The following MCEE variants were observed in gnomAD, a reference collection of about 807,000 sequenced individuals.
MCEE encodes methylmalonyl-CoA epimerase, mitochondrial.
In MCEE, 6 loss-of-function variants were observed where a neutral mutation model predicts 12.9. The ratio of observed to expected loss-of-function variants is 0.47; its 90% CI spans 0.26 to 0.92. The LOEUF (loss-of-function observed/expected upper bound fraction) is 0.92, where lower values mean the gene tolerates loss of function less well. MCEE is among the 40% of genes least tolerant of loss of function. The probability of loss-of-function intolerance (pLI) is 0.16; values close to 1 mark genes in which losing one functional copy is unlikely to be tolerated. For missense variants in MCEE, 214 were observed against 212.1 expected (o/e 1.01, Z -0.05); for synonymous variants, 78 against 77.9 (o/e 1.00, Z -0.01).
chr2:71,112,467 A>C (rs1468602889), intron 2 of MCEE, among the ~76,000 whole-genome samples: 9 of 99,914 alleles, frequency 9.0e-5, no homozygotes, highest in East Asian at 3.3e-4. Context: ...ACAGAGTCTC[A>C]CTCTGTCACC....
rs765849421 is a variant in MCEE, at chr2:71,124,298, T to C, written c.286A>G (p.Met96Val). Residue 96 changes from methionine to valine, a missense_variant, in exon 2 of 3, where the codon ATG (methionine) becomes GTG (valine). Transcript: ENST00000244217. ...VVFVNLGNTK[M>V]ELLHPLGRDS... ...CGTCCCAATGGATGAAGCAGTTCCA[T>C]CTTGGTATTTCCCAGGTTGACAAAA... 2.5e-6 allele frequency: 4 copies of C among 1,614,204 alleles called. No homozygotes were observed. Among genetic ancestry groups the C allele is most frequent in the East Asian group, 4.5e-5 (2 of 44,882 alleles).
At chr2:71,112,237 A>C (rs1010573401) in intron 2 of MCEE, among the ~76,000 whole-genome samples, 3 of 152,078 alleles carry the variant, frequency 2.0e-5, no homozygotes, top group Non-Finnish European at 1.5e-5. Flanking sequence ...CCAGGGTTCA[A>C]GCAATTCTCC....
intron 1 of MCEE, 138 bp downstream of exon 1, chr2:71,130,042 A>C: frequency 3.6e-6 from 3 of 829,976 alleles, no homozygotes; most frequent in Non-Finnish European, 4.1e-6. Flanking sequence ...CCTAAGTGAC[A>C]GCAGCTGCTG....
rs2103768901 is a variant in MCEE, at chr2:71,109,899, G to C, written c.*71C>G. ...TGATGGAAGCAGTGAAGGACTCAAT[G>C]TCATAGTACATTTTGATAGTATTTG... is the stretch of plus-strand genomic sequence containing the variant. On this transcript the variant is annotated 3_prime_UTR_variant, in exon 3 of 3. Coordinates refer to ENST00000244217, the MANE Select transcript of MCEE (RefSeq NM_032601.4). 1 of 1,492,652 alleles carries C rather than the reference G, an allele frequency of 6.7e-7. No homozygotes were observed. The highest frequency in any genetic ancestry group is 2.3e-5 in the East Asian group (1 of 44,202). The allele number at this position is 1,492,652 out of a possible 1,614,324, so 92.5% of individuals were successfully genotyped here.
In MCEE at chr2:71,124,222, T is replaced by C. The variant is rs1332288749; in HGVS notation, c.362A>G (p.His121Arg). Residue 121 changes from histidine to arginine, a missense_variant, in exon 2 of 3, where the codon CAT becomes CGT. His to Arg is a conservative substitution (Grantham distance 29). Transcript: ENST00000244217. ...FLQKNKAGGMHHICIEVDNIN... is the reference protein window; with the variant it reads ...FLQKNKAGGMRHICIEVDNIN... ...TTAAAATACCTCGATGCAGATGTGA[T>C]GCATTCCTCCAGCCTTGTTTTTCTG... 2 of 1,612,820 alleles carry C rather than the reference T, an allele frequency of 1.2e-6. No homozygotes were observed. Among genetic ancestry groups the C allele is most frequent in the Non-Finnish European group, 1.7e-6 (2 of 1,178,762 alleles).
rs1014538415 is a variant in MCEE, at chr2:71,117,473, CTTGA to C, written c.378+6729_378+6732del. ...TTTAAAAAGGAGAATATTTTCCTTT[CTTGA>C]TTGAAGAACAAACATTACCCAGTAT... On this transcript the variant is annotated intron_variant, in intron 2 of 2. Transcript: ENST00000244217. 3 of 150,364 alleles carry C rather than the reference CTTGA, an allele frequency of 2.0e-5. 1 individual carries two copies. Among genetic ancestry groups the C allele is most frequent in the African/African-American group, 7.5e-5 (3 of 39,742 alleles). 9.3% of individuals were successfully genotyped at this position (150,364 alleles called of 1,614,324 possible). A position where few individuals can be genotyped will look rare whatever the true frequency, so the allele number is the denominator to read the frequency against.
intron 2 of MCEE, among the ~76,000 whole-genome samples, chr2:71,122,137 T>C (rs555665225): frequency 1.4e-4 from 22 of 152,186 alleles, no homozygotes; most frequent in Non-Finnish European, 2.9e-4. Flanking sequence ...TGTTAGTTCT[T>C]TTTTTTGAGA....
At chr2:71,119,160 G>C (rs1312036738) in intron 2 of MCEE, among the ~76,000 whole-genome samples, 1 of 150,442 alleles carries the variant, frequency 6.6e-6, no homozygotes, top group Non-Finnish European at 1.5e-5. Flanking sequence ...AAGAAATACA[G>C]TCATGTGTCA....
intron 2 of MCEE, 108 bp downstream of exon 2, chr2:71,124,098 A>T: frequency 1.3e-6 from 1 of 790,418 alleles, no homozygotes. Context: ...CTCCTTAAAG[A>T]ACTTTACAAA....
intron 2 of MCEE, among the ~76,000 whole-genome samples, chr2:71,110,580 T>A (rs1672867109): frequency 6.6e-6 from 1 of 152,188 alleles, no homozygotes; most frequent in Admixed American, 6.5e-5. Context: ...TTAGCAAATA[T>A]GAGTGTTTCC....
At chr2:71,125,211 A>ATATATATATATATATTTTTTTTTTTTTT in intron 1 of MCEE, among the ~76,000 whole-genome samples, 37 of 48,558 alleles carry the variant, frequency 7.6e-4, no homozygotes, top group Non-Finnish European at 1.4e-3. Context: ...ATATATATAT[A>ATATATATATATATATTTTTTTTTTTTTT]TTTTTTTTTT....
rs187172937 is a variant in MCEE at position 71,122,843 on chromosome 2, C to T, written c.378+1363G>A. 2.0e-4 allele frequency among the ~76,000 whole-genome samples: 30 copies of T among 152,338 alleles called. 1 individual carries two copies. Among genetic ancestry groups the T allele is most frequent in the East Asian group, 1.3e-3 (7 of 5,190 alleles). Reference sequence around the variant, plus strand: ...TCTATGCCTTTCCACATGCAATTCCCTCTGCCTGAAATAACTTTCTCCTTT... The same window carrying T: ...TCTATGCCTTTCCACATGCAATTCCTTCTGCCTGAAATAACTTTCTCCTTT... On this transcript the variant is annotated intron_variant, in intron 2 of 2. Transcript: ENST00000244217.
chr2:71,124,664 T>G, intron 1 of MCEE, 121 bp from the exon 2 acceptor site: 1 of 788,954 alleles, frequency 1.3e-6, no homozygotes, highest in South Asian at 1.5e-5. Flanking sequence ...CTGTTCTTTT[T>G]AATTATTGAA....
chr2:71,130,012 C>T lies in MCEE; in HGVS notation c.40+168G>A, dbSNP rs1444570540. The stretch of plus-strand genomic sequence containing the variant: ...CAATCCCCGCTACTAAGCGGTGGCG[C>T]TTCTGGAAGGCACCCTCTGCCTAAG... On this transcript the variant is annotated intron_variant, in intron 1 of 2. Transcript: ENST00000244217. 4 of 720,552 alleles carry T rather than the reference C, an allele frequency of 5.6e-6. No individual in the cohort carries two copies. The Admixed American group carries it at 6.2e-5, about 11-fold the overall frequency. The allele number at this position is 720,552 out of a possible 1,614,324, so 44.6% of individuals were successfully genotyped here. A position where few individuals can be genotyped will look rare whatever the true frequency, so the allele number is the denominator to read the frequency against.
At chr2:71,110,473 A>G (rs933167946) in intron 2 of MCEE, among the ~76,000 whole-genome samples, 1 of 152,202 alleles carries the variant, frequency 6.6e-6, no homozygotes, top group Non-Finnish European at 1.5e-5. Context: ...GTCCTCATCT[A>G]TAACAGGCAA....
At chr2:71,124,122 A>G (rs1290017802) in intron 2 of MCEE, 84 bp downstream of exon 2, 11 of 1,012,656 alleles carry the variant, frequency 1.1e-5, no homozygotes, top group African/African-American at 1.6e-5. Context: ...TTCTAATGAC[A>G]GTGACCATAA....
intron 1 of MCEE, among the ~76,000 whole-genome samples, chr2:71,125,188 AATATATATAT>A: frequency 3.0e-5 from 2 of 65,706 alleles, no homozygotes; most frequent in Admixed American, 2.4e-4. Flanking sequence ...TATATATATA[AATATATATAT>A]ATATATATAT....
At chr2:71,115,938 T>C (rs1414212815) in intron 2 of MCEE, among the ~76,000 whole-genome samples, 2 of 149,662 alleles carry the variant, frequency 1.3e-5, no homozygotes, top group Non-Finnish European at 2.9e-5. Context: ...GTTCTGCACA[T>C]GTATCCCAGA....
At chr2:71,123,362 A>T (rs1402639588) in intron 2 of MCEE, among the ~76,000 whole-genome samples, 1 of 152,058 alleles carries the variant, frequency 6.6e-6, no homozygotes, top group Non-Finnish European at 1.5e-5. Context: ...ATGGTGGCGC[A>T]TGCCTGTAAT....
Sources: allele counts gnomAD v4.1 joint callset (sites outside exome capture counted in the v4.1 genomes callset), GRCh38; gene constraint gnomAD v4.1.1; transcripts MANE v1.5; gene names NCBI Gene and HGNC (gene_info 2026-07-23, HGNC 2026-07-21).